The following CBLC variants were observed in gnomAD, a reference collection of about 807,000 sequenced individuals.
The protein encoded by CBLC is E3 ubiquitin-protein ligase CBL-C.
CBLC carries 46 observed loss-of-function variants against 58.6 expected under a neutral mutation model. The ratio of observed to expected loss-of-function variants is 0.79; its 90% confidence interval spans 0.62 to 1.00. The LOEUF is 1.00. CBLC is among the 50% of genes least tolerant of loss of function. The probability of loss-of-function intolerance (pLI) is 0.00; values close to 1 mark genes in which losing one functional copy is unlikely to be tolerated. For synonymous variants in CBLC, 271 were observed against 264.2 expected (o/e 1.03, Z -0.25); for missense variants, 655 against 625.8 (o/e 1.05, Z -0.50).
rs1967633400 is a variant in CBLC, at chr19:44,778,415, C to CCCCCTCCTCCCT, written c.353+132_353+133insCCCTCCTCCCTC. On this transcript the variant is annotated intron_variant, in intron 1 of 10. Coordinates refer to ENST00000647358, the MANE Select transcript of CBLC (RefSeq NM_012116.4). ...TCAGACCCAGGAACTCAGGCCCCCACCACCTCCTCCCTCAGACTCAGGGCT... is the reference window on the plus strand; with the variant it reads ...TCAGACCCAGGAACTCAGGCCCCCACCCCCTCCTCCCTCACCTCCTCCCTCAGACTCAGGGCT... 1.7e-5 allele frequency: 12 copies of CCCCCTCCTCCCT among 690,180 alleles called. No homozygotes were observed. The South Asian group carries it at 2.1e-4, about 12-fold the overall frequency. 42.8% of individuals were successfully genotyped at this position (690,180 alleles called of 1,614,324 possible). A position where few individuals can be genotyped will look rare whatever the true frequency, so the allele number is the denominator to read the frequency against.
intron 6 of CBLC, among the ~76,000 whole-genome samples, chr19:44,790,741 T>C (rs1968025962): frequency 6.6e-6 from 1 of 152,078 alleles, no homozygotes; most frequent in African/African-American, 2.4e-5. Context: ...TGGCCCTAAA[T>C]TTTTTTTAGT....
intron 9 of CBLC, among the ~76,000 whole-genome samples, chr19:44,799,797 A>T (rs1416600737): frequency 1.3e-5 from 2 of 151,392 alleles, no homozygotes; most frequent in African/African-American, 4.9e-5. Flanking sequence ...GAAAAAAGAA[A>T]GAAGGAAGGA....
At chr19:44,785,934 G>GA (rs1205402413) in intron 5 of CBLC, among the ~76,000 whole-genome samples, 1 of 151,596 alleles carries the variant, frequency 6.6e-6, no homozygotes, top group Non-Finnish European at 1.5e-5. Flanking sequence ...GACTCCATCT[G>GA]AAAAAAACAA....
rs750604085 is a variant in CBLC at position 44,793,593 on chromosome 19, G to T, written c.1257G>T (p.Gln419His). 6.2e-7 allele frequency: 1 copy of T among 1,605,724 alleles called. No individual in the cohort carries two copies. The highest frequency in any genetic ancestry group is 1.7e-5 in the Admixed American group (1 of 58,166). The part of the protein sequence containing the change: ...TAEDSGNSSD[Q>H]EGRELELGQV... ...AGGACTCAGGGAACAGCAGTGACCAGGAAGGCAGGGAGTTGGAGCTGGGGC... is the reference window on the plus strand; with the variant it reads ...AGGACTCAGGGAACAGCAGTGACCATGAAGGCAGGGAGTTGGAGCTGGGGC... The change falls in exon 8 of 11, where the codon CAG (glutamine) becomes CAT (histidine). Residue 419 changes from glutamine (Q) to histidine (H), a missense_variant. Physicochemically the swap from Gln to His is conservative, Grantham distance 24 (BLOSUM62 0). Coordinates refer to ENST00000647358, the MANE Select transcript of CBLC (RefSeq NM_012116.4).
At chr19:44,786,831 A>G (rs1050039375) in intron 5 of CBLC, among the ~76,000 whole-genome samples, 2 of 151,842 alleles carry the variant, frequency 1.3e-5, no homozygotes, top group African/African-American at 4.8e-5. Context: ...GAGGCCGGGC[A>G]TGGTGGCTCA....
chr19:44,797,574 C>CTTTTTTTTTT (rs763685561), intron 9 of CBLC, among the ~76,000 whole-genome samples: 7 of 133,208 alleles, frequency 5.3e-5, no homozygotes, highest in Non-Finnish European at 1.6e-5. Flanking sequence ...CCTGGCATTG[C>CTTTTTTTTTT]TTTTTTTTTT....
chr19:44,793,336 G>A (rs1460338522), intron 7 of CBLC, 138 bp from the exon 8 acceptor site: 16 of 941,834 alleles, frequency 1.7e-5, no homozygotes, highest in Admixed American at 6.3e-5. Flanking sequence ...TGCTCTCCAC[G>A]ACTCTTCTCT....
At position 44,793,601 on chromosome 19, in the gene CBLC, G is replaced by A; in HGVS notation, c.1265G>A (p.Arg422Lys). 1 of 1,604,734 alleles carries A rather than the reference G, an allele frequency of 6.2e-7. No individual in the cohort carries two copies. Among genetic ancestry groups the A allele is most frequent in the East Asian group, 2.2e-5 (1 of 44,578 alleles). The part of the protein sequence containing the change: ...DSGNSSDQEG[R>K]ELELGQVPLS... ...GGGAACAGCAGTGACCAGGAAGGCA[G>A]GGAGTTGGAGCTGGGGCAGGTGAGC... The change falls in exon 8 of 11, where the codon AGG (arginine) becomes AAG (lysine). Residue 422 changes from arginine (R) to lysine (K), a missense_variant. By Grantham distance (26) the Arg-to-Lys change is conservative (BLOSUM62 2). Around this residue, in one of 3 missense-constraint regions of CBLC, gnomAD observed 371 missense variants for 370.8 expected, o/e 1.00. Transcript: ENST00000647358.
intron 5 of CBLC, among the ~76,000 whole-genome samples, chr19:44,785,297 ATGGGGTTT>A (rs1432812117): frequency 1.3e-5 from 2 of 151,580 alleles, no homozygotes; most frequent in Non-Finnish European, 2.9e-5. Context: ...TTTAATAGAG[ATGGGGTTT>A]TGCCATGCCA....
rs753864374 is a variant in CBLC at position 44,784,309 on chromosome 19, C to G, written c.825C>G (p.Ile275Met). 1.9e-6 allele frequency: 3 copies of G among 1,596,722 alleles called. No homozygotes were observed. The highest frequency in any genetic ancestry group is 1.7e-5 in the Admixed American group (1 of 59,772). Residue 275 changes from isoleucine to methionine, a missense_variant, in exon 5 of 11, where the codon ATC becomes ATG. Physicochemically the swap from Ile to Met is conservative, Grantham distance 10. Coordinates refer to ENST00000647358, the MANE Select transcript of CBLC (RefSeq NM_012116.4). ...PSCTRLGQWA[I>M]GYVSSDGSIL... is the part of the protein sequence containing the mutation. The stretch of plus-strand genomic sequence containing the variant: ...GTACTCGCCTGGGGCAGTGGGCCAT[C>G]GGCTATGTGAGCTCAGATGGCAGCA...
At chr19:44,794,341 G>T in intron 9 of CBLC, 60 bp downstream of exon 9, 3 of 1,542,638 alleles carry the variant, frequency 1.9e-6, no homozygotes, top group Middle Eastern at 3.6e-4. Flanking sequence ...CAGGGTCCCT[G>T]GTTCACCTGT....
At chr19:44,779,287 G>A (rs989690393) in intron 1 of CBLC, among the ~76,000 whole-genome samples, 3 of 152,150 alleles carry the variant, frequency 2.0e-5, no homozygotes, top group African/African-American at 7.2e-5. Context: ...CTCCTAGGTG[G>A]AGGAGAGGTA....
chr19:44,787,610 A>G (rs1967944564), intron 5 of CBLC, among the ~76,000 whole-genome samples: 1 of 151,032 alleles, frequency 6.6e-6, no homozygotes, highest in Non-Finnish European at 1.5e-5. Flanking sequence ...TGAAGTCAGG[A>G]GTTCAAGACC....
rs745556828 is a variant in CBLC, at chr19:44,794,214, C to T, written c.1295C>T (p.Ser432Leu). ...TCTGTCCCACCCCAGGTGCCCCTTT[C>T]GGCTCCTCCATTGCCCCCACGGCCA... ...RELELGQVPL[S>L]APPLPPRPDL... The change falls in exon 9 of 11, where the codon TCG becomes TTG. Residue 432 changes from serine (S) to leucine (L), a missense_variant. This residue lies in a region of CBLC where 371 missense variants were observed against 370.8 expected (regional missense o/e 1.00). Transcript: ENST00000647358. 9.9e-6 allele frequency: 16 copies of T among 1,611,132 alleles called. No homozygotes were observed. The highest frequency in any genetic ancestry group is 3.3e-4 in the Middle Eastern group (2 of 6,068).
At chr19:44,779,119 T>C (rs1967656384) in intron 1 of CBLC, among the ~76,000 whole-genome samples, 1 of 152,176 alleles carries the variant, frequency 6.6e-6, no homozygotes, top group African/African-American at 2.4e-5. Context: ...AGTTAGCTAT[T>C]ACTATTATTC....
At position 44,785,743 on chromosome 19, in the gene CBLC, C is replaced by T. The variant is rs184165876; in HGVS notation, c.917+1342C>T. On this transcript the variant is annotated intron_variant, in intron 5 of 10. Coordinates refer to ENST00000647358, the MANE Select transcript of CBLC (RefSeq NM_012116.4). ...CTGAGATCAGGAGTTCAAGAACAGC[C>T]TGGTCAACATGGTGAAACCCCATCT... is the stretch of plus-strand genomic sequence containing the variant. Among the ~76,000 whole-genome samples, 714 of 151,828 alleles carry T rather than the reference C, an allele frequency of 4.7e-3. 13 individuals carry two copies. The highest frequency in any genetic ancestry group is 0.031 in the East Asian group (161 of 5,148).
chr19:44,777,968 GA>G lies in CBLC; in HGVS notation c.39del (p.Glu14ArgfsTer15). On this transcript the variant is annotated frameshift_variant, in exon 1 of 11. Coordinates refer to ENST00000647358, the MANE Select transcript of CBLC (RefSeq NM_012116.4). LOFTEE classifies it high-confidence loss of function. ...GGTGGCCCCGTGGGGGCGACAGTGG[GA>G]AGAGGCCCGCGCCCTGGGCCGGGCA... ...LAVAPWGRQW[E>X]EARALGRAVR... The G allele has an allele frequency of 6.2e-7, 1 of 1,604,742 alleles. No homozygotes were observed. Among genetic ancestry groups the G allele is most frequent in the African/African-American group, 1.3e-5 (1 of 74,740 alleles).
intron 5 of CBLC, 138 bp downstream of exon 5, chr19:44,784,539 C>G (rs1261963584): frequency 3.9e-5 from 32 of 830,586 alleles, no homozygotes; most frequent in Non-Finnish European, 5.6e-5. Context: ...TGCAGTACTA[C>G]AAAATTCCAG....
rs754244769 is a variant in CBLC, at chr19:44,790,115, A to C, written c.1005+24A>C. 2.5e-6 allele frequency: 4 copies of C among 1,589,584 alleles called. No individual in the cohort carries two copies. The African/African-American group carries it at 5.4e-5, about 21-fold the overall frequency. ...AGGTGAGACCCGCACCTGCACCCGC[A>C]GTCCCAGTTCCCTGACCCTGCCACC... On this transcript the variant is annotated intron_variant, in intron 6 of 10. Coordinates refer to ENST00000647358, the MANE Select transcript of CBLC (RefSeq NM_012116.4).
Sources: allele counts gnomAD v4.1 joint callset (sites outside exome capture counted in the v4.1 genomes callset), GRCh38; gene constraint gnomAD v4.1.1; regional missense constraint gnomAD v4.1.1; transcripts MANE v1.5; gene names NCBI Gene and HGNC (gene_info 2026-07-23, HGNC 2026-07-21).